Variants in SYT6 observed in about 807,000 individuals in gnomAD.
SYT6 encodes the protein synaptotagmin-6.
In SYT6, 24 loss-of-function variants were observed where a neutral mutation model predicts 38.4. The ratio of observed to expected loss-of-function variants is 0.62; its 90% confidence interval spans 0.45 to 0.88. The LOEUF (loss-of-function observed/expected upper bound fraction) is 0.88, where lower values mean the gene tolerates loss of function less well. Ranked by LOEUF, SYT6 falls within the 40% of genes least tolerant of loss-of-function variation. The pLI, the probability that SYT6 is intolerant of heterozygous loss-of-function variation, is 0.00. For synonymous variants in SYT6, 265 were observed against 241.9 expected, an observed-to-expected ratio of 1.10 and a Z score of -0.89; for missense variants, 611 against 621.0, an observed-to-expected ratio of 0.98 and a Z score of 0.17.
rs397949655 is a variant in SYT6, at chr1:114,129,838, G to GT, written c.1071+7656dup. Among the ~76,000 whole-genome samples the GT allele has an allele frequency of 4.6e-3, 489 of 106,670 alleles. 5 individuals carry two copies. Among genetic ancestry groups the GT allele is most frequent in the African/African-American group, 0.021 (367 of 17,856 alleles). 70.0% of individuals were successfully genotyped at this position (106,670 alleles called of 152,430 possible). On this transcript the variant is annotated intron_variant, in intron 3 of 7. Coordinates refer to ENST00000610222, the MANE Select transcript of SYT6 (RefSeq NM_001253772.2). ...ATTACAGGCATGCACCACCACACCT[G>GT]TTTTTTTTTTTTTTTTTTAATTTTT...
At chr1:114,111,339 A>C (rs1057211853) in intron 3 of SYT6, among the ~76,000 whole-genome samples, 1 of 152,180 alleles carries the variant, frequency 6.6e-6, no homozygotes. Context: ...TTACCTGGGG[A>C]CACTGAAGTA....
At chr1:114,134,408 G>C (rs973618150) in intron 3 of SYT6, among the ~76,000 whole-genome samples, 1 of 152,128 alleles carries the variant, frequency 6.6e-6, no homozygotes, top group Non-Finnish European at 1.5e-5. Context: ...TAAGCCACTG[G>C]TCATTTAACA....
chr1:114,111,802 C>T lies in SYT6; in HGVS notation c.1072-8081G>A, dbSNP rs190315351. Among the ~76,000 whole-genome samples, 30 of 73,292 alleles carry T rather than the reference C, an allele frequency of 4.1e-4. 1 individual carries two copies. The South Asian group carries it at 6.6e-3, about 16-fold the overall frequency. The allele number at this position is 73,292 out of a possible 152,430, so 48.1% of individuals were successfully genotyped here. A position where few individuals can be genotyped will look rare whatever the true frequency, so the allele number is the denominator to read the frequency against. On this transcript the variant is annotated intron_variant, in intron 3 of 7. Coordinates refer to ENST00000610222, the MANE Select transcript of SYT6 (RefSeq NM_001253772.2). ...GGAGAGTGGAGACTGACGCTCTGCCCGCCCCACGTTCCCACAGCTGGCTCA... is the reference window on the plus strand; with the variant it reads ...GGAGAGTGGAGACTGACGCTCTGCCTGCCCCACGTTCCCACAGCTGGCTCA...
chr1:114,135,201 G>A (rs1678403225), intron 3 of SYT6, among the ~76,000 whole-genome samples: 1 of 152,002 alleles, frequency 6.6e-6, no homozygotes, highest in African/African-American at 2.4e-5. Flanking sequence ...GCAACTGGCT[G>A]GAATGCTCCC....
intron 3 of SYT6, among the ~76,000 whole-genome samples, chr1:114,119,914 A>C (rs113342867): frequency 6.6e-6 from 1 of 152,114 alleles, no homozygotes; most frequent in Non-Finnish European, 1.5e-5. Flanking sequence ...TACTAAAAAT[A>C]CAAAAAATTA....
At chr1:114,142,918 G>A (rs904651834) in intron 1 of SYT6, among the ~76,000 whole-genome samples, 11 of 152,076 alleles carry the variant, frequency 7.2e-5, no homozygotes, top group South Asian at 2.1e-4. Context: ...ATAGGCTACA[G>A]TATATTTTAC....
chr1:114,152,865 G>C (rs888358965), intron 1 of SYT6: 2 of 152,212 alleles, frequency 1.3e-5, no homozygotes, highest in African/African-American at 4.8e-5. Flanking sequence ...GGCAGGAGGC[G>C]CCCTCTTGGC....
intron 3 of SYT6, among the ~76,000 whole-genome samples, chr1:114,105,601 T>TC (rs1210675855): frequency 2.6e-5 from 4 of 152,170 alleles, no homozygotes; most frequent in African/African-American, 9.6e-5. Flanking sequence ...GAGCCAGCCA[T>TC]CCCACACCAG....
At chr1:114,119,518 A>ATGGATT (rs1571856985) in intron 3 of SYT6, among the ~76,000 whole-genome samples, 2 of 152,248 alleles carry the variant, frequency 1.3e-5, no homozygotes, top group East Asian at 1.9e-4. Flanking sequence ...TTTAATCCTC[A>ATGGATT]CAATAACCTT....
intron 3 of SYT6, among the ~76,000 whole-genome samples, chr1:114,119,465 T>C (rs7514784): frequency 7.2e-5 from 11 of 152,270 alleles, no homozygotes; most frequent in African/African-American, 2.7e-4. Flanking sequence ...GCACTTGCTG[T>C]GTGCCGATGG....
chr1:114,152,125 G>C (rs1253517425), intron 1 of SYT6: 1 of 151,262 alleles, frequency 6.6e-6, no homozygotes, highest in East Asian at 2.0e-4. Context: ...TGCTCCTCAC[G>C]GGTATCTACC....
chr1:114,153,561 T>C (rs1368677317), intron 1 of SYT6, 49 bp downstream of exon 1: 7 of 577,468 alleles, frequency 1.2e-5, no homozygotes, highest in East Asian at 6.7e-5. Flanking sequence ...GGAAGGGAGA[T>C]CGCAGGACGG....
At chr1:114,153,041 C>G (rs1679530511) in intron 1 of SYT6, 1 of 142,000 alleles carries the variant, frequency 7.0e-6, no homozygotes, top group African/African-American at 2.6e-5. Context: ...CCAGCGGAGA[C>G]GCGGAAAACC....
intron 1 of SYT6, among the ~76,000 whole-genome samples, chr1:114,144,495 T>C (rs1679054734): frequency 6.6e-6 from 1 of 152,184 alleles, no homozygotes; most frequent in African/African-American, 2.4e-5. Flanking sequence ...TGCCCTGACC[T>C]GTCTGTCTCT....
intron 1 of SYT6, among the ~76,000 whole-genome samples, chr1:114,153,248 C>T (rs1679540689): frequency 6.6e-6 from 1 of 152,230 alleles, no homozygotes; most frequent in South Asian, 2.1e-4. Flanking sequence ...CCCCTCGTCT[C>T]CCGCTCTCTC....
rs1678609215 is a variant in SYT6, at chr1:114,138,008, G to A, written c.558C>T (p.Ser186=). The A allele has an allele frequency of 6.2e-7, 1 of 1,613,832 alleles. No individual in the cohort carries two copies. Among genetic ancestry groups the A allele is most frequent in the Non-Finnish European group, 8.5e-7 (1 of 1,180,008 alleles). The change falls in exon 3 of 8, where the codon TCC becomes TCT. Residue 186 remains serine (S), a synonymous_variant. Coordinates refer to ENST00000610222, the MANE Select transcript of SYT6 (RefSeq NM_001253772.2). ...GAAGCTCATTGCCATAGTCTACACT[G>A]GAGACATGCATCTGCCTTGGCAGGT... ...KRHLPRQMHV[S]SVDYGNELPP...
rs1557775473 is a variant in SYT6 at position 114,153,564 on chromosome 1, C to T, written c.163+46G>A. On this transcript the variant is annotated intron_variant, in intron 1 of 7. Coordinates refer to ENST00000610222, the MANE Select transcript of SYT6 (RefSeq NM_001253772.2). ...CCGGGGCTTTGGGGAAGGGAGATCGCAGGACGGATATCCAGGAAGGGAGGG... is the reference window on the plus strand; with the variant it reads ...CCGGGGCTTTGGGGAAGGGAGATCGTAGGACGGATATCCAGGAAGGGAGGG... The T allele has an allele frequency of 3.5e-6, 2 of 579,012 alleles. 1 individual carries two copies. Among genetic ancestry groups the T allele is most frequent in the Non-Finnish European group, 6.2e-6 (2 of 322,410 alleles). The allele number at this position is 579,012 out of a possible 1,614,324, so 35.9% of individuals were successfully genotyped here. A position where few individuals can be genotyped will look rare whatever the true frequency, so the allele number is the denominator to read the frequency against.
intron 3 of SYT6, among the ~76,000 whole-genome samples, chr1:114,107,242 C>T (rs780152752): frequency 1.3e-5 from 2 of 152,202 alleles, no homozygotes; most frequent in Non-Finnish European, 2.9e-5. Context: ...ACAGCATTGC[C>T]CCAGGCTCTA....
At position 114,103,848 on chromosome 1, in the gene SYT6, A is replaced by G. The variant is rs2100988358; in HGVS notation, c.1072-127T>C. The G allele has an allele frequency of 5.6e-6, 7 of 1,239,216 alleles. No homozygotes were observed. In the South Asian group the frequency reaches 1.1e-4, roughly 19 times the overall value. The allele number at this position is 1,239,216 out of a possible 1,614,324, so 76.8% of individuals were successfully genotyped here. ...CTTGGAGACACTGTGCTGTGTTTTT[A>G]AGACTAAGGGACTGGCCTCCATGCT... On this transcript the variant is annotated intron_variant, in intron 3 of 7. Transcript: ENST00000610222.
Sources: allele counts gnomAD v4.1 joint callset (sites outside exome capture counted in the v4.1 genomes callset), GRCh38; gene constraint gnomAD v4.1.1; transcripts MANE v1.5; gene names NCBI Gene and HGNC (gene_info 2026-07-23, HGNC 2026-07-21).